The following ACOXL variants were observed in gnomAD, a reference collection of about 807,000 sequenced individuals.
ACOXL encodes the protein acyl-coenzyme A oxidase-like protein.
In ACOXL, 70 loss-of-function variants were observed where a neutral mutation model predicts 71.9. The ratio of observed to expected loss-of-function variants is 0.97; its 90% CI spans 0.80 to 1.19. The LOEUF (loss-of-function observed/expected upper bound fraction) is 1.19. Among genes scored for constraint, ACOXL ranks in the 50% most tolerant of loss-of-function variants. The pLI, the probability that ACOXL is intolerant of heterozygous loss-of-function variation, is 0.00. For synonymous variants in ACOXL, 253 were observed against 281.6 expected (o/e 0.90, Z 1.02); for missense variants, 703 against 736.3 (o/e 0.95, Z 0.52).
intron 1 of ACOXL, among the ~76,000 whole-genome samples, chr2:110,760,591 A>C (rs1309151065): frequency 6.6e-6 from 1 of 152,240 alleles, no homozygotes; most frequent in African/African-American, 2.4e-5. Context: ...TTGGACAGAC[A>C]GCCTCTCTGA....
chr2:111,040,872 G>C (rs1210757210), intron 15 of ACOXL, among the ~76,000 whole-genome samples: 3 of 152,186 alleles, frequency 2.0e-5, no homozygotes, highest in African/African-American at 7.2e-5. Flanking sequence ...GTCCCACAGG[G>C]CCTGAGTGCC....
chr2:110,794,322 T>A, intron 5 of ACOXL, 148 bp downstream of exon 5: 1 of 738,164 alleles, frequency 1.4e-6, no homozygotes, highest in Non-Finnish European at 2.2e-6. Context: ...CTAAGTGTTT[T>A]AATAGAGGTG....
At chr2:110,833,421 C>T (rs1024282797) in intron 9 of ACOXL, among the ~76,000 whole-genome samples, 4 of 152,094 alleles carry the variant, frequency 2.6e-5, no homozygotes, top group African/African-American at 9.7e-5. Context: ...AAGGAGTGGG[C>T]TGGGGAGGCA....
At chr2:110,957,833 G>C (rs2061555415) in intron 12 of ACOXL, among the ~76,000 whole-genome samples, 1 of 151,996 alleles carries the variant, frequency 6.6e-6, no homozygotes, top group Non-Finnish European at 1.5e-5. Flanking sequence ...GAGGCGGGCG[G>C]ATCACCTGAG....
At chr2:110,865,226 G>A (rs931583445) in intron 10 of ACOXL, among the ~76,000 whole-genome samples, 3 of 152,214 alleles carry the variant, frequency 2.0e-5, no homozygotes, top group African/African-American at 4.8e-5. Context: ...TGCAAATGTT[G>A]AAGGAAGAGA....
At chr2:110,756,397 G>A (rs990206009) in intron 1 of ACOXL, among the ~76,000 whole-genome samples, 7 of 152,268 alleles carry the variant, frequency 4.6e-5, no homozygotes, top group South Asian at 2.1e-4. Context: ...CCAAAGTGTT[G>A]GGATTACAGG....
At chr2:111,045,771 A>G (rs1344465565) in intron 15 of ACOXL, among the ~76,000 whole-genome samples, 1 of 152,202 alleles carries the variant, frequency 6.6e-6, no homozygotes, top group Non-Finnish European at 1.5e-5. Flanking sequence ...ACATAGGTGC[A>G]TGCTGCTTTT....
chr2:110,970,154 G>A (rs184648791), intron 12 of ACOXL, among the ~76,000 whole-genome samples: 1 of 152,200 alleles, frequency 6.6e-6, no homozygotes, highest in East Asian at 1.9e-4. Flanking sequence ...GTATTACTCT[G>A]ATACTAAAAG....
chr2:111,088,235 C>T (rs900980675), intron 16 of ACOXL, among the ~76,000 whole-genome samples: 1 of 152,190 alleles, frequency 6.6e-6, no homozygotes, highest in African/African-American at 2.4e-5. Context: ...AGCAGTGTGG[C>T]AATTCCTCAA....
chr2:110,816,747 A>G (rs1017118908), intron 9 of ACOXL, among the ~76,000 whole-genome samples: 8 of 152,220 alleles, frequency 5.3e-5, no homozygotes, highest in Admixed American at 3.9e-4. Flanking sequence ...GCCGTGGCCT[A>G]AAGTATAGAG....
chr2:111,045,955 T>C (rs2065998334), intron 15 of ACOXL, among the ~76,000 whole-genome samples: 1 of 152,206 alleles, frequency 6.6e-6, no homozygotes, highest in Non-Finnish European at 1.5e-5. Context: ...GCTGTGGGCA[T>C]GCTGGACATC....
chr2:110,912,480 A>G (rs61412632), intron 11 of ACOXL, among the ~76,000 whole-genome samples: 21,536 of 152,102 alleles, frequency 0.14, 1,738 homozygotes, highest in East Asian at 0.24. Flanking sequence ...TGGCCAGTTT[A>G]TTTTTTACAA....
chr2:110,777,860 C>T (rs1008985978), intron 2 of ACOXL, among the ~76,000 whole-genome samples: 10 of 152,162 alleles, frequency 6.6e-5, no homozygotes, highest in Non-Finnish European at 8.8e-5. Context: ...TTCAAGGAGT[C>T]GGGGCAGGTG....
intron 14 of ACOXL, among the ~76,000 whole-genome samples, chr2:111,000,612 C>A (rs2063580826): frequency 1.3e-5 from 2 of 152,202 alleles, no homozygotes; most frequent in African/African-American, 4.8e-5. Flanking sequence ...CTCTGAGACC[C>A]TGGGTAGAAT....
At chr2:111,043,023 C>T (rs1315199421) in intron 15 of ACOXL, among the ~76,000 whole-genome samples, 1 of 152,198 alleles carries the variant, frequency 6.6e-6, no homozygotes, top group Non-Finnish European at 1.5e-5. Context: ...GAGCAGAAAA[C>T]ATGTTGAGAC....
At chr2:111,063,626 C>G (rs2066919861) in intron 16 of ACOXL, among the ~76,000 whole-genome samples, 1 of 151,742 alleles carries the variant, frequency 6.6e-6, no homozygotes, top group Non-Finnish European at 1.5e-5. Context: ...TGGAACTTCC[C>G]CAACTTGGAA....
In ACOXL at chr2:111,002,801, G is replaced by T. The variant is rs61581048; in HGVS notation, c.1281+6797G>T. ...ACAGGTTGAATGCTTGGGACAAGAAGTGTTTCCAATGCAGATTTTTTCTGA... is the reference window on the plus strand; with the variant it reads ...ACAGGTTGAATGCTTGGGACAAGAATTGTTTCCAATGCAGATTTTTTCTGA... On this transcript the variant is annotated intron_variant, in intron 14 of 17. Transcript: ENST00000439055. Among the ~76,000 whole-genome samples the T allele has an allele frequency of 4.0e-3, 605 of 152,212 alleles. 10 individuals are homozygous for T. The South Asian group carries it at 0.058, about 15-fold the overall frequency.
intron 1 of ACOXL, among the ~76,000 whole-genome samples, chr2:110,767,538 A>T (rs1228543075): frequency 2.0e-5 from 3 of 152,204 alleles, no homozygotes; most frequent in African/African-American, 4.8e-5. Context: ...AGGCTCAACC[A>T]TCAGCTAGTA....
At chr2:111,095,310 A>AAT (rs2068744715) in intron 17 of ACOXL, among the ~76,000 whole-genome samples, 1 of 151,802 alleles carries the variant, frequency 6.6e-6, no homozygotes, top group Non-Finnish European at 1.5e-5. Flanking sequence ...AACAATATGC[A>AAT]ATATATCAGA....
Sources: gnomAD v4.1 joint callset for allele counts (sites outside exome capture counted in the v4.1 genomes callset) on GRCh38, gnomAD v4.1.1 for gene constraint, MANE v1.5 for transcripts, NCBI Gene and HGNC (gene_info 2026-07-23, HGNC 2026-07-21) for gene names.